SEMA5B: variants seen among roughly 807,000 people sequenced by gnomAD.
SEMA5B encodes the protein semaphorin-5B.
A neutral mutation model predicts 135.0 loss-of-function variants in SEMA5B; 66 were observed. The ratio of observed to expected loss-of-function variants is 0.49; its 90% confidence interval spans 0.40 to 0.60. The LOEUF is 0.60. Among genes scored for constraint, SEMA5B ranks in the 20% least tolerant of loss-of-function variants. The probability of loss-of-function intolerance (pLI) is 0.00; values close to 1 mark genes in which losing one functional copy is unlikely to be tolerated. For synonymous variants in SEMA5B, 690 were observed against 639.5 expected, an observed-to-expected ratio of 1.08 and a Z score of -1.19; for missense variants, 1,501 against 1,566.3, an observed-to-expected ratio of 0.96 and a Z score of 0.70.
intron 1 of SEMA5B, among the ~76,000 whole-genome samples, chr3:123,013,434 C>A (rs1281480900): frequency 6.6e-6 from 1 of 152,184 alleles, no homozygotes; most frequent in African/African-American, 2.4e-5. Flanking sequence ...TTCCAGGTGA[C>A]CTGCTATACA....
At chr3:122,975,592 G>A (rs530147781) in intron 1 of SEMA5B, among the ~76,000 whole-genome samples, 58 of 152,298 alleles carry the variant, frequency 3.8e-4, no homozygotes, top group African/African-American at 1.3e-3. Context: ...TAATGTTTGC[G>A]GAAGCACATA....
At chr3:122,951,590 C>T (rs950100624) in intron 2 of SEMA5B, among the ~76,000 whole-genome samples, 17 of 152,230 alleles carry the variant, frequency 1.1e-4, no homozygotes, top group African/African-American at 3.9e-4. Flanking sequence ...CCCTACGTCT[C>T]GCAAAGGTCT....
At chr3:122,959,123 A>G in intron 2 of SEMA5B, among the ~76,000 whole-genome samples, 1 of 152,240 alleles carries the variant, frequency 6.6e-6, no homozygotes, top group East Asian at 1.9e-4. Context: ...ACTAAGTAAT[A>G]GTAGGATTAA....
intron 1 of SEMA5B, among the ~76,000 whole-genome samples, chr3:122,997,809 C>G (rs1281978635): frequency 1.3e-5 from 2 of 152,154 alleles, no homozygotes; most frequent in East Asian, 3.9e-4. Flanking sequence ...GGCCTGAGGC[C>G]TCTACCCTCA....
intron 1 of SEMA5B, among the ~76,000 whole-genome samples, chr3:122,978,555 C>T (rs1941412630): frequency 6.6e-6 from 1 of 151,974 alleles, no homozygotes; most frequent in Non-Finnish European, 1.5e-5. Flanking sequence ...AAATAGGTAA[C>T]TGCCAGAGAA....
rs529843650 is a variant in SEMA5B at position 122,948,769 on chromosome 3, A to G, written c.125-60T>C. On this transcript the variant is annotated intron_variant, in intron 2 of 22. Coordinates refer to ENST00000357599, the MANE Select transcript of SEMA5B (RefSeq NM_001031702.4). ...CCTCCAACTGGGCCCACTTCCCTCA[A>G]TTTCCTTGTGGTTACAGTGCCCCCA... The G allele has an allele frequency of 1.2e-5, 17 of 1,365,138 alleles. No individual in the cohort carries two copies. The South Asian group carries it at 2.3e-4, about 18-fold the overall frequency. 84.6% of individuals were successfully genotyped at this position (1,365,138 alleles called of 1,614,324 possible). A position where few individuals can be genotyped will look rare whatever the true frequency, so the allele number is the denominator to read the frequency against.
rs185349142 is a variant in SEMA5B at position 122,939,764 on chromosome 3, T to C, written c.429-294A>G. On this transcript the variant is annotated intron_variant, in intron 4 of 22. Coordinates refer to ENST00000357599, the MANE Select transcript of SEMA5B (RefSeq NM_001031702.4). ...AACCCAGACTTTCCTCCAAGTTCCA[T>C]GCTGTCTCTGCTCCCAGCCAACTCA... Among the ~76,000 whole-genome samples, 12 of 152,326 alleles carry C rather than the reference T, an allele frequency of 7.9e-5. No individual in the cohort carries two copies. In the East Asian group the frequency reaches 1.9e-3, roughly 24 times the overall value.
At chr3:123,015,950 T>A (rs1942544573) in intron 1 of SEMA5B, among the ~76,000 whole-genome samples, 1 of 152,216 alleles carries the variant, frequency 6.6e-6, no homozygotes. Context: ...ATCTATGGCT[T>A]CGGCAGATTA....
intron 1 of SEMA5B, among the ~76,000 whole-genome samples, chr3:122,985,497 TAA>T (rs201770626): frequency 0.011 from 1,513 of 142,342 alleles, 20 homozygotes; most frequent in African/African-American, 0.036. Flanking sequence ...CAGTGTCTCT[TAA>T]AAAAAAAAAA....
intron 3 of SEMA5B, 38 bp from the exon 4 acceptor site, chr3:122,943,573 G>A (rs913203872): frequency 4.9e-6 from 7 of 1,440,452 alleles, no homozygotes; most frequent in Non-Finnish European, 6.8e-6. Flanking sequence ...TTACTGTTGG[G>A]CCAGAGGCTC....
intron 2 of SEMA5B, among the ~76,000 whole-genome samples, chr3:122,949,935 G>C (rs1276406162): frequency 3.3e-5 from 5 of 152,140 alleles, no homozygotes; most frequent in Admixed American, 6.5e-5. Context: ...TTTGGGGGAG[G>C]CTGCTTTGAA....
At chr3:122,923,237 A>C (rs1938461781) in intron 10 of SEMA5B, among the ~76,000 whole-genome samples, 1 of 152,194 alleles carries the variant, frequency 6.6e-6, no homozygotes, top group Non-Finnish European at 1.5e-5. Flanking sequence ...CACTTCCAGG[A>C]ATTAGTACCC....
intron 1 of SEMA5B, among the ~76,000 whole-genome samples, chr3:122,967,661 G>A (rs1345748674): frequency 2.0e-5 from 3 of 152,194 alleles, no homozygotes; most frequent in Admixed American, 1.3e-4. Context: ...GCTCCTCGTG[G>A]GATCATGAGA....
intron 2 of SEMA5B, among the ~76,000 whole-genome samples, chr3:122,953,072 G>A (rs1940130141): frequency 6.6e-6 from 1 of 152,168 alleles, no homozygotes; most frequent in Non-Finnish European, 1.5e-5. Flanking sequence ...TTTCCTGGGG[G>A]GACCCTGACT....
intron 5 of SEMA5B, among the ~76,000 whole-genome samples, chr3:122,931,900 G>T (rs778889466): frequency 6.6e-6 from 1 of 152,192 alleles, no homozygotes; most frequent in Non-Finnish European, 1.5e-5. Context: ...CTGAAACGTC[G>T]AGGGGTTGCT....
intron 2 of SEMA5B, among the ~76,000 whole-genome samples, chr3:122,959,711 G>T (rs902907685): frequency 2.0e-5 from 3 of 152,190 alleles, no homozygotes; most frequent in African/African-American, 7.2e-5. Flanking sequence ...TGCAGCCATC[G>T]GGGAGAACCA....
At position 123,015,502 on chromosome 3, in the gene SEMA5B, C is replaced by A. The variant is rs113189260; in HGVS notation, c.-39+11962G>T. 3.2e-3 allele frequency among the ~76,000 whole-genome samples: 493 copies of A among 152,252 alleles called. 5 individuals carry two copies. The highest frequency in any genetic ancestry group is 0.011 in the African/African-American group (462 of 41,552). On this transcript the variant is annotated intron_variant, in intron 1 of 22. Coordinates refer to ENST00000357599, the MANE Select transcript of SEMA5B (RefSeq NM_001031702.4). ...CCTCAACTGTAGAGAAGTGGGAGAT[C>A]TTCAGAGTCCTATGCCCAGAGATGA...
At chr3:122,923,319 T>C (rs74519465) in intron 10 of SEMA5B, among the ~76,000 whole-genome samples, 6,349 of 152,312 alleles carry the variant, frequency 0.042, 151 homozygotes, top group Middle Eastern at 0.088. Flanking sequence ...TGTAGTGCTT[T>C]CCTGGTCCTC....
intron 5 of SEMA5B, among the ~76,000 whole-genome samples, chr3:122,934,590 C>A (rs1308774395): frequency 1.3e-5 from 2 of 152,096 alleles, no homozygotes; most frequent in African/African-American, 2.4e-5. Context: ...GACATATCAA[C>A]AAATTGCAGC....
Sources: allele counts gnomAD v4.1 joint callset (sites outside exome capture counted in the v4.1 genomes callset), GRCh38; gene constraint gnomAD v4.1.1; transcripts MANE v1.5; gene names NCBI Gene and HGNC (gene_info 2026-07-23, HGNC 2026-07-21).